The following TRIO variants were observed in gnomAD, a reference collection of about 807,000 sequenced individuals.
TRIO encodes trio Rho guanine nucleotide exchange factor.
In TRIO, 58 loss-of-function variants were observed where a neutral mutation model predicts 351.9. The observed-to-expected ratio is 0.16, with a 90% CI of 0.13 to 0.21. The LOEUF (loss-of-function observed/expected upper bound fraction) is 0.21. Among genes scored for constraint, TRIO ranks in the 10% least tolerant of loss-of-function variants. The pLI is 1.00. For missense variants in TRIO, 3,201 were observed against 4,027.8 expected (o/e 0.79, Z 5.56); for synonymous variants, 1,758 against 1,595.7 (o/e 1.10, Z -2.42).
intron 49 of TRIO, among the ~76,000 whole-genome samples, chr5:14,493,431 T>C (rs1756639655): frequency 6.6e-6 from 1 of 152,234 alleles, no homozygotes. Context: ...ATTTCATGCA[T>C]TTTGTTATTG....
At chr5:14,210,789 T>C (rs1296638052) in intron 1 of TRIO, among the ~76,000 whole-genome samples, 1 of 152,202 alleles carries the variant, frequency 6.6e-6, no homozygotes, top group African/African-American at 2.4e-5. Context: ...TAGTTCTACG[T>C]ACAGTTAAAA....
At chr5:14,264,722 G>A (rs1795558922) in intron 1 of TRIO, among the ~76,000 whole-genome samples, 1 of 152,110 alleles carries the variant, frequency 6.6e-6, no homozygotes, top group Non-Finnish European at 1.5e-5. Flanking sequence ...CACAAACATC[G>A]GGCAGCCACG....
At chr5:14,245,174 G>A (rs1215650330) in intron 1 of TRIO, among the ~76,000 whole-genome samples, 3 of 152,122 alleles carry the variant, frequency 2.0e-5, no homozygotes, top group African/African-American at 7.2e-5. Context: ...ACATCCACTC[G>A]CCGTTCTGTG....
At position 14,485,141 on chromosome 5, in the gene TRIO, G is replaced by A. The variant is rs1755826325; in HGVS notation, c.6730G>A (p.Asp2244Asn). 1.3e-6 allele frequency: 2 copies of A among 1,592,454 alleles called. No homozygotes were observed. Among genetic ancestry groups the A allele is most frequent in the Non-Finnish European group, 1.7e-6 (2 of 1,162,832 alleles). ...CKFALTSRTGDVVETFILHSS... is the reference protein window; with the variant it reads ...CKFALTSRTGNVVETFILHSS... ...ATTTGCTCTGACATCGAGGACGGGT[G>A]ACGTGGTAGAGACCTTCATTTTGCA... The change falls in exon 47 of 57, where the codon GAC becomes AAC. Residue 2244 changes from aspartate to asparagine, a missense_variant. By Grantham distance (23) the Asp-to-Asn change is conservative. Coordinates refer to ENST00000344204, the MANE Select transcript of TRIO (RefSeq NM_007118.4).
chr5:14,371,436 C>T (rs1250888827), intron 18 of TRIO, among the ~76,000 whole-genome samples: 1 of 152,110 alleles, frequency 6.6e-6, no homozygotes, highest in African/African-American at 2.4e-5. Flanking sequence ...CCCAACTTTT[C>T]TGATTATCAA....
chr5:14,467,050 G>C (rs946258179), intron 37 of TRIO, among the ~76,000 whole-genome samples: 2 of 152,090 alleles, frequency 1.3e-5, no homozygotes, highest in Non-Finnish European at 2.9e-5. Context: ...AGGAAATTGA[G>C]GCACACAGAA....
At chr5:14,145,074 G>T (rs187130542) in intron 1 of TRIO, among the ~76,000 whole-genome samples, 2,314 of 152,242 alleles carry the variant, frequency 0.015, 48 homozygotes, top group African/African-American at 0.051. Flanking sequence ...CGGGGAGGAC[G>T]GCCGGGCTGG....
intron 56 of TRIO, among the ~76,000 whole-genome samples, 157 bp from the exon 57 acceptor site, chr5:14,507,723 G>A (rs952317923): frequency 5.3e-5 from 8 of 152,032 alleles, no homozygotes; most frequent in African/African-American, 1.4e-4. Flanking sequence ...CCTCACCCTC[G>A]GCTGCCAGCT....
intron 10 of TRIO, among the ~76,000 whole-genome samples, chr5:14,333,484 C>G (rs1239459945): frequency 1.3e-5 from 2 of 152,176 alleles, no homozygotes; most frequent in African/African-American, 4.8e-5. Flanking sequence ...CATCATTCTT[C>G]TGATTACATT....
chr5:14,174,884 C>G (rs1373932859), intron 1 of TRIO, among the ~76,000 whole-genome samples: 2 of 152,114 alleles, frequency 1.3e-5, no homozygotes. Context: ...GACTTTTCAC[C>G]TGTGGATACT....
chr5:14,487,890 G>T lies in TRIO; in HGVS notation c.7262G>T (p.Gly2421Val). The T allele has an allele frequency of 6.5e-7, 1 of 1,540,198 alleles. No individual in the cohort carries two copies. The highest frequency in any genetic ancestry group is 8.7e-7 in the Non-Finnish European group (1 of 1,143,134). The change falls in exon 48 of 57, where the codon GGC becomes GTC. Residue 2421 changes from glycine to valine, a missense_variant. By Grantham distance (109) the Gly-to-Val change is moderately radical (BLOSUM62 -3). Coordinates refer to ENST00000344204, the MANE Select transcript of TRIO (RefSeq NM_007118.4). ...KMKVLESPRKGAANASGSSPD... is the reference protein window; with the variant it reads ...KMKVLESPRKVAANASGSSPD... ...AAGGTGCTGGAGAGCCCCAGGAAAG[G>T]CGCCGCGAACGCCTCGGGGTCGAGC...
chr5:14,156,084 T>C (rs1407167414), intron 1 of TRIO, among the ~76,000 whole-genome samples: 1 of 152,218 alleles, frequency 6.6e-6, no homozygotes, highest in African/African-American at 2.4e-5. Context: ...AGCTATGATC[T>C]TTTGCTGTCA....
At chr5:14,351,311 C>A (rs1403875025) in intron 11 of TRIO, among the ~76,000 whole-genome samples, 1 of 152,164 alleles carries the variant, frequency 6.6e-6, no homozygotes. Context: ...CTGTTTTTAT[C>A]CCTGGTTTTT....
chr5:14,266,070 C>A (rs903923010), intron 1 of TRIO, among the ~76,000 whole-genome samples: 2 of 150,782 alleles, frequency 1.3e-5, no homozygotes, highest in African/African-American at 2.4e-5. Flanking sequence ...TTTTCCTTTT[C>A]TTTTTTTTTG....
chr5:14,198,295 T>A (rs1336841473), intron 1 of TRIO, among the ~76,000 whole-genome samples: 1 of 152,190 alleles, frequency 6.6e-6, no homozygotes, highest in Non-Finnish European at 1.5e-5. Flanking sequence ...CCCATTTCCC[T>A]CTCTCTGCTG....
intron 1 of TRIO, among the ~76,000 whole-genome samples, chr5:14,158,251 C>A (rs915163744): frequency 1.3e-5 from 2 of 151,862 alleles, no homozygotes; most frequent in African/African-American, 2.4e-5. Flanking sequence ...GTGGTGAAAC[C>A]CTGTCTCTAC....
At chr5:14,187,618 T>C (rs989165654) in intron 1 of TRIO, among the ~76,000 whole-genome samples, 2 of 152,182 alleles carry the variant, frequency 1.3e-5, no homozygotes, top group African/African-American at 4.8e-5. Flanking sequence ...ATTTTTGAAC[T>C]CAAGAGCAAA....
intron 32 of TRIO, chr5:14,406,363 G>A (rs1313697363): frequency 1.7e-6 from 1 of 582,556 alleles, no homozygotes; most frequent in Non-Finnish European, 3.1e-6. Context: ...ATGGTGATGG[G>A]AATCCAACAG....
At chr5:14,481,397 CAG>C (rs1197712341) in intron 44 of TRIO, 113 bp downstream of exon 44, 1 of 1,483,654 alleles carries the variant, frequency 6.7e-7, no homozygotes, top group Non-Finnish European at 9.3e-7. Flanking sequence ...CAGTGGATGA[CAG>C]AGTCTCTCCA....
Sources: allele counts gnomAD v4.1 joint callset (sites outside exome capture counted in the v4.1 genomes callset), GRCh38; gene constraint gnomAD v4.1.1; transcripts MANE v1.5; gene names NCBI Gene and HGNC (gene_info 2026-07-23, HGNC 2026-07-21).